KCNQ3: variants seen among roughly 807,000 people sequenced by gnomAD.
KCNQ3 encodes the protein potassium voltage-gated channel subfamily Q member 3, also known as potassium voltage-gated channel subfamily KQT member 3.
In KCNQ3, 30 loss-of-function variants were observed where a neutral mutation model predicts 92.5. That is an observed-to-expected ratio of 0.32 (90% CI 0.24 to 0.44). The LOEUF (loss-of-function observed/expected upper bound fraction) is 0.44, where lower values mean the gene tolerates loss of function less well. Among genes scored for constraint, KCNQ3 ranks in the 20% least tolerant of loss-of-function variants. KCNQ3 has a pLI of 1.00. For missense variants in KCNQ3, 913 were observed against 1,140.3 expected, an observed-to-expected ratio of 0.80 and a Z score of 2.87; for synonymous variants, 450 against 468.8, an observed-to-expected ratio of 0.96 and a Z score of 0.52.
At chr8:132,398,258 C>G (rs946851662) in intron 1 of KCNQ3, among the ~76,000 whole-genome samples, 1 of 152,158 alleles carries the variant, frequency 6.6e-6, no homozygotes, top group Non-Finnish European at 1.5e-5. Context: ...TCCCCCTCTT[C>G]AACTAGTTGG....
chr8:132,279,751 T>G (rs567159273), intron 1 of KCNQ3, among the ~76,000 whole-genome samples: 53 of 152,354 alleles, frequency 3.5e-4, no homozygotes, highest in African/African-American at 1.3e-3. Context: ...AACACACATC[T>G]ATGATCATAT....
intron 3 of KCNQ3, among the ~76,000 whole-genome samples, chr8:132,180,839 A>AC (rs1554628316): frequency 6.7e-6 from 1 of 150,280 alleles, no homozygotes; most frequent in Non-Finnish European, 1.5e-5. Flanking sequence ...GAATGTTAAA[A>AC]AAAAAAAAAA....
At chr8:132,187,903 ATGGTGGTGGTGG>A (rs1253337459) in intron 1 of KCNQ3, among the ~76,000 whole-genome samples, 1 of 55,098 alleles carries the variant, frequency 1.8e-5, no homozygotes, top group African/African-American at 9.6e-5. Flanking sequence ...GGTGGTGGTG[ATGGTGGTGGTGG>A]TGTTGGTGGT....
At chr8:132,307,666 G>A (rs184623850) in intron 1 of KCNQ3, among the ~76,000 whole-genome samples, 131 of 152,328 alleles carry the variant, frequency 8.6e-4, no homozygotes, top group Non-Finnish European at 1.2e-3. Flanking sequence ...ACTCATAAGT[G>A]TTTGTTTAAT....
chr8:132,324,268 T>TAC (rs1379681753), intron 1 of KCNQ3, among the ~76,000 whole-genome samples: 1 of 152,234 alleles, frequency 6.6e-6, no homozygotes, highest in East Asian at 1.9e-4. Flanking sequence ...TTTGTGCCTT[T>TAC]ACTTCATTCT....
At chr8:132,468,779 C>T (rs944723542) in intron 1 of KCNQ3, among the ~76,000 whole-genome samples, 1 of 152,162 alleles carries the variant, frequency 6.6e-6, no homozygotes, top group Non-Finnish European at 1.5e-5. Flanking sequence ...GCCCTGAGGT[C>T]TGAATTCAGT....
intron 1 of KCNQ3, among the ~76,000 whole-genome samples, chr8:132,262,368 A>G (rs1815815153): frequency 1.3e-5 from 2 of 152,220 alleles, no homozygotes; most frequent in South Asian, 2.1e-4. Flanking sequence ...TAAATGGGTG[A>G]ACTGTAAGGT....
intron 1 of KCNQ3, among the ~76,000 whole-genome samples, chr8:132,385,127 A>G (rs772842804): frequency 2.0e-4 from 31 of 152,224 alleles, no homozygotes; most frequent in Non-Finnish European, 4.4e-4. Flanking sequence ...ATGACTCACC[A>G]ACACACAAGT....
At chr8:132,190,805 A>G (rs1827132631) in intron 1 of KCNQ3, among the ~76,000 whole-genome samples, 1 of 152,244 alleles carries the variant, frequency 6.6e-6, no homozygotes, top group South Asian at 2.1e-4. Flanking sequence ...TAGAAAACTA[A>G]TACCATGTGG....
chr8:132,447,755 C>T (rs996177602), intron 1 of KCNQ3, among the ~76,000 whole-genome samples: 3 of 152,152 alleles, frequency 2.0e-5, no homozygotes, highest in Non-Finnish European at 2.9e-5. Context: ...GGGGCTGTGG[C>T]TTTTCATTTT....
Position 132,220,750 on chromosome 8 carries a change from TATACATAA to T in KCNQ3, c.387-34577_387-34570del, listed in dbSNP as rs542269695. 5.9e-4 allele frequency among the ~76,000 whole-genome samples: 90 copies of T among 151,976 alleles called. 2 individuals are homozygous for T. In the South Asian group the frequency reaches 0.01, roughly 18 times the overall value. On this transcript the variant is annotated intron_variant, in intron 1 of 14. Coordinates refer to ENST00000388996, the MANE Select transcript of KCNQ3 (RefSeq NM_004519.4). ...AGTGACAGCGTAAGATAAATAAATA[TATACATAA>T]ATACATAAATAAAAAATTAAAAAAT...
At chr8:132,227,408 G>A (rs1410143187) in intron 1 of KCNQ3, among the ~76,000 whole-genome samples, 1 of 152,090 alleles carries the variant, frequency 6.6e-6, no homozygotes, top group Non-Finnish European at 1.5e-5. Context: ...AGAGGCACTG[G>A]GGTGTGTGTG....
At chr8:132,131,949 A>G (rs1380782455) in intron 14 of KCNQ3, among the ~76,000 whole-genome samples, 6 of 152,114 alleles carry the variant, frequency 3.9e-5, no homozygotes, top group African/African-American at 1.4e-4. Flanking sequence ...TTAGCTGGGC[A>G]TGATGGCAGG....
intron 1 of KCNQ3, among the ~76,000 whole-genome samples, chr8:132,242,721 C>T (rs1371795943): frequency 2.6e-5 from 4 of 152,156 alleles, no homozygotes; most frequent in Non-Finnish European, 5.9e-5. Flanking sequence ...GAATATTTAT[C>T]GAATGAATGA....
chr8:132,193,023 CCTT>C (rs1260186583), intron 1 of KCNQ3, among the ~76,000 whole-genome samples: 2 of 152,286 alleles, frequency 1.3e-5, no homozygotes, highest in East Asian at 1.9e-4. Context: ...CTTTTCCTCT[CCTT>C]CTCCTGCATC....
intron 1 of KCNQ3, among the ~76,000 whole-genome samples, chr8:132,446,124 G>A (rs905305365): frequency 2.0e-4 from 30 of 152,184 alleles, no homozygotes; most frequent in Non-Finnish European, 3.4e-4. Flanking sequence ...GTTACTGTTT[G>A]CCTCTCCAAG....
At chr8:132,301,206 ACT>A (rs1817206247) in intron 1 of KCNQ3, among the ~76,000 whole-genome samples, 1 of 151,926 alleles carries the variant, frequency 6.6e-6, no homozygotes, top group Non-Finnish European at 1.5e-5. Context: ...TGATGCATAA[ACT>A]CTGAATAACT....
intron 1 of KCNQ3, among the ~76,000 whole-genome samples, chr8:132,288,507 C>T (rs1816743225): frequency 6.6e-6 from 1 of 152,202 alleles, no homozygotes; most frequent in African/African-American, 2.4e-5. Context: ...CACATTTGCC[C>T]ATGCTGTGCC....
At chr8:132,203,656 G>A (rs1740617683) in intron 1 of KCNQ3, among the ~76,000 whole-genome samples, 1 of 152,150 alleles carries the variant, frequency 6.6e-6, no homozygotes, top group Non-Finnish European at 1.5e-5. Context: ...TTATTGCTGT[G>A]TGACTCTGAG....
Sources: gnomAD v4.1 joint callset for allele counts (sites outside exome capture counted in the v4.1 genomes callset) on GRCh38, gnomAD v4.1.1 for gene constraint, MANE v1.5 for transcripts, NCBI Gene and HGNC (gene_info 2026-07-23, HGNC 2026-07-21) for gene names.